FSCN3: variants seen among roughly 807,000 people sequenced by gnomAD.
FSCN3 encodes fascin actin-bundling protein 3, also known as fascin-3.
A neutral mutation model predicts 53.5 loss-of-function variants in FSCN3; 43 were observed. The ratio of observed to expected loss-of-function variants is 0.80; its 90% CI spans 0.63 to 1.04. FSCN3 has a LOEUF of 1.04. Ranked by LOEUF, FSCN3 falls within the 50% of genes least tolerant of loss-of-function variation. The pLI is 0.00. For missense variants in FSCN3, 594 were observed against 646.5 expected, an observed-to-expected ratio of 0.92 and a Z score of 0.88; for synonymous variants, 235 against 246.6, an observed-to-expected ratio of 0.95 and a Z score of 0.44.
At position 127,599,434 on chromosome 7, in the gene FSCN3, C is replaced by A. The variant is rs192546949; in HGVS notation, c.1174C>A (p.Arg392=). The change falls in exon 5 of 7, where the codon CGA becomes AGA. Residue 392 remains arginine, a synonymous_variant. Transcript: ENST00000265825. ...LFANRSFLVL[R]GRYGYVGSSS... ...TGCCAATCGCTCCTTCCTTGTATTG[C>A]GAGGTCGTTATGGCTATGTGGGCTC... 4.3e-6 allele frequency: 7 copies of A among 1,613,870 alleles called. No homozygotes were observed. Among genetic ancestry groups the A allele is most frequent in the Admixed American group, 3.3e-5 (2 of 60,022 alleles).
At chr7:127,595,243 A>G in intron 1 of FSCN3, 64 bp from the exon 2 acceptor site, 2 of 1,430,740 alleles carry the variant, frequency 1.4e-6, no homozygotes, top group Non-Finnish European at 9.6e-7. Flanking sequence ...TGACAGTTGC[A>G]GGGCTCCTTG....
At chr7:127,594,678 GA>G (rs764474541) in intron 1 of FSCN3, 103 of 471,144 alleles carry the variant, frequency 2.2e-4, no homozygotes, top group Middle Eastern at 1.3e-3. Flanking sequence ...GGGAACTCCA[GA>G]AGCCCTAGCA....
chr7:127,594,161 TG>T (rs748353266), intron 1 of FSCN3, among the ~76,000 whole-genome samples, 164 bp downstream of exon 1: 7 of 7,694 alleles, frequency 9.1e-4, no homozygotes, highest in Non-Finnish European at 1.5e-3. Context: ...GTGGCCAAGC[TG>T]TGTGTGTGTG....
intron 3 of FSCN3, among the ~76,000 whole-genome samples, chr7:127,597,258 T>G (rs806215): frequency 6.6e-6 from 1 of 152,036 alleles, no homozygotes; most frequent in Non-Finnish European, 1.5e-5. Context: ...ATTACTAGGT[T>G]GTATAATAGA....
At chr7:127,596,918 C>T (rs1434159896) in intron 3 of FSCN3, among the ~76,000 whole-genome samples, 2 of 152,244 alleles carry the variant, frequency 1.3e-5, no homozygotes, top group Admixed American at 1.3e-4. Flanking sequence ...TGTTCTGTCT[C>T]CGTGAATTAG....
chr7:127,599,625 C>A, intron 5 of FSCN3, 74 bp downstream of exon 5: 1 of 1,403,970 alleles, frequency 7.1e-7, no homozygotes, highest in Non-Finnish European at 9.9e-7. Context: ...GACTTCAGGG[C>A]CTGCCACTCA....
chr7:127,595,548 TC>T lies in FSCN3; in HGVS notation c.388del (p.Leu130SerfsTer17). 1 of 1,614,080 alleles carries T rather than the reference TC, an allele frequency of 6.2e-7. No individual in the cohort carries two copies. The highest frequency in any genetic ancestry group is 2.2e-5 in the East Asian group (1 of 44,870). On this transcript the variant is annotated frameshift_variant, in exon 2 of 7. Coordinates refer to ENST00000265825, the MANE Select transcript of FSCN3 (RefSeq NM_020369.3). LOFTEE classifies it high-confidence loss of function. Reference protein sequence around the residue: ...NGKDVFCTSHVLSAYHMWTPR... With the variant: ...NGKDVFCTSHXLSAYHMWTPR... The stretch of plus-strand genomic sequence containing the variant: ...AAGGACGTGTTTTGCACTTCCCACG[TC>T]CTCTCAGCTTACCACATGTGGACCC...
At chr7:127,596,724 TAAATA>T (rs1794396054) in intron 3 of FSCN3, 2 of 189,300 alleles carry the variant, frequency 1.1e-5, no homozygotes, top group African/African-American at 4.7e-5. Flanking sequence ...GTATGTTTTA[TAAATA>T]AAATGCACCT....
At chr7:127,595,244 G>A in intron 1 of FSCN3, 63 bp from the exon 2 acceptor site, 1 of 1,429,200 alleles carries the variant, frequency 7.0e-7, no homozygotes, top group Non-Finnish European at 9.6e-7. Context: ...GACAGTTGCA[G>A]GGCTCCTTGG....
In FSCN3 at chr7:127,599,434, C is replaced by G. The variant is rs192546949; in HGVS notation, c.1174C>G (p.Arg392Gly). 1 of 1,613,870 alleles carries G rather than the reference C, an allele frequency of 6.2e-7. No individual in the cohort carries two copies. Among genetic ancestry groups the G allele is most frequent in the South Asian group, 1.1e-5 (1 of 91,058 alleles). Residue 392 changes from arginine (R) to glycine (G), a missense_variant, in exon 5 of 7, where the codon CGA becomes GGA. Coordinates refer to ENST00000265825, the MANE Select transcript of FSCN3 (RefSeq NM_020369.3). ...TGCCAATCGCTCCTTCCTTGTATTGCGAGGTCGTTATGGCTATGTGGGCTC... is the reference window on the plus strand; with the variant it reads ...TGCCAATCGCTCCTTCCTTGTATTGGGAGGTCGTTATGGCTATGTGGGCTC... ...LFANRSFLVL[R>G]GRYGYVGSSS...
chr7:127,600,058 A>G (rs971315128), intron 5 of FSCN3, 136 bp from the exon 6 acceptor site: 8 of 621,224 alleles, frequency 1.3e-5, no homozygotes, highest in East Asian at 5.4e-5. Flanking sequence ...CTGCATTTCC[A>G]TAGAAGGACC....
intron 3 of FSCN3, among the ~76,000 whole-genome samples, chr7:127,597,758 A>G (rs1473082987): frequency 2.6e-5 from 4 of 152,168 alleles, no homozygotes; most frequent in East Asian, 1.9e-4. Flanking sequence ...GATTACAGGC[A>G]TGAGCCACCG....
At chr7:127,596,239 GGAGGGAGGGACAGAAGCCCCGGT>G in intron 2 of FSCN3, 66 bp from the exon 3 acceptor site, 1 of 1,535,342 alleles carries the variant, frequency 6.5e-7, no homozygotes, top group Non-Finnish European at 8.8e-7. Context: ...TGAAGTTTGA[GGAGGGAGGGACAGAAGCCCCGGT>G]CATAAAACAT....
At chr7:127,597,415 C>A (rs1389121694) in intron 3 of FSCN3, among the ~76,000 whole-genome samples, 1 of 152,048 alleles carries the variant, frequency 6.6e-6, no homozygotes, top group Non-Finnish European at 1.5e-5. Context: ...TTATTTTAGC[C>A]ACTCTAGTGG....
intron 3 of FSCN3, among the ~76,000 whole-genome samples, chr7:127,597,407 A>G (rs1020250653): frequency 2.0e-5 from 3 of 151,752 alleles, no homozygotes; most frequent in Admixed American, 2.0e-4. Flanking sequence ...TGTCTTTTTT[A>G]TTTTAGCCAC....
At chr7:127,600,855 TTC>T (rs1794463785) in intron 6 of FSCN3, among the ~76,000 whole-genome samples, 2 of 152,340 alleles carry the variant, frequency 1.3e-5, no homozygotes, top group African/African-American at 4.8e-5. Flanking sequence ...GCCCCAACCC[TTC>T]TCCTGACCTC....
At chr7:127,594,554 G>C (rs1385355539) in intron 1 of FSCN3, 2 of 471,078 alleles carry the variant, frequency 4.2e-6, no homozygotes, top group Admixed American at 4.7e-5. Flanking sequence ...GTGTCAGAAA[G>C]AGGAGAAGTG....
At chr7:127,599,902 G>C (rs111870873) in intron 5 of FSCN3, among the ~76,000 whole-genome samples, 2 of 147,510 alleles carry the variant, frequency 1.4e-5, no homozygotes, top group East Asian at 4.0e-4. Flanking sequence ...CCAAGATCAC[G>C]CCACAGCACT....
chr7:127,598,460 A>C lies in FSCN3; in HGVS notation c.986A>C (p.Asp329Ala), dbSNP rs766576602. ...SQRRHRAVMADGHPLESDTFF... is the reference protein window; with the variant it reads ...SQRRHRAVMAAGHPLESDTFF... ...AGGCGCCACAGGGCAGTAATGGCTG[A>C]TGGGCACCCCCTGGAGTCTGACACG... Residue 329 changes from aspartate to alanine, a missense_variant, in exon 4 of 7, where the codon GAT (aspartate) becomes GCT (alanine). By Grantham distance (126) the Asp-to-Ala change is moderately radical. Transcript: ENST00000265825. The C allele has an allele frequency of 1.2e-6, 2 of 1,613,942 alleles. No individual in the cohort carries two copies. Among genetic ancestry groups the C allele is most frequent in the African/African-American group, 2.7e-5 (2 of 74,936 alleles).
Sources: allele counts gnomAD v4.1 joint callset (sites outside exome capture counted in the v4.1 genomes callset), GRCh38; gene constraint gnomAD v4.1.1; transcripts MANE v1.5; gene names NCBI Gene and HGNC (gene_info 2026-07-23, HGNC 2026-07-21).